ANKRD31: variants seen among roughly 807,000 people sequenced by gnomAD.
ANKRD31 encodes the protein ankyrin repeat domain-containing protein 31.
A neutral mutation model predicts 186.0 loss-of-function variants in ANKRD31; 147 were observed. The observed-to-expected ratio is 0.79, with a 90% CI of 0.69 to 0.91. ANKRD31 has a LOEUF of 0.91. ANKRD31 is among the 40% of genes least tolerant of loss of function. The pLI is 0.00. For synonymous variants in ANKRD31, 673 were observed against 736.4 expected, an observed-to-expected ratio of 0.91 and a Z score of 1.39; for missense variants, 1,986 against 2,148.8, an observed-to-expected ratio of 0.92 and a Z score of 1.50.
intron 4 of ANKRD31, among the ~76,000 whole-genome samples, chr5:75,209,625 C>T (rs1296301246): frequency 6.6e-6 from 1 of 151,836 alleles, no homozygotes; most frequent in South Asian, 2.1e-4. Flanking sequence ...TGCAGTGACC[C>T]GAGATCACAC....
chr5:75,188,556 C>G lies in ANKRD31; in HGVS notation c.1501G>C (p.Asp501His). Residue 501 changes from aspartate (D) to histidine (H), a missense_variant, in exon 10 of 26, where the codon GAT (aspartate) becomes CAT (histidine). Physicochemically the swap from Asp to His is moderately conservative, Grantham distance 81. Transcript: ENST00000506364. The stretch of plus-strand genomic sequence containing the variant: ...ATACAATGATGAACAAGATCAGCAT[C>G]ATCGTGTAGAGCAGCCTTATATACT... ...NLVYKAALHD[D>H]ADLVHHCIKK... 1 of 1,536,480 alleles carries G rather than the reference C, an allele frequency of 6.5e-7. No homozygotes were observed. The highest frequency in any genetic ancestry group is 8.7e-7 in the Non-Finnish European group (1 of 1,146,506).
At chr5:75,208,610 C>T (rs1387762086) in intron 4 of ANKRD31, among the ~76,000 whole-genome samples, 1 of 152,136 alleles carries the variant, frequency 6.6e-6, no homozygotes, top group Non-Finnish European at 1.5e-5. Flanking sequence ...GTCTCTAAGG[C>T]CAGGTGACAG....
rs10532266 is a variant in ANKRD31 at position 75,175,646 on chromosome 5, AACACACACAC to A, written c.1565-6535_1565-6526del. 2.5e-3 allele frequency among the ~76,000 whole-genome samples: 375 copies of A among 147,678 alleles called. 8 individuals carry two copies. The East Asian group carries it at 0.063, about 25-fold the overall frequency. On this transcript the variant is annotated intron_variant, in intron 10 of 25. Transcript: ENST00000506364. ...ACTATATGAAAATGTTACCTCAGAAAACACACACACACACACACACACACACACACACATT... is the reference window on the plus strand; with the variant it reads ...ACTATATGAAAATGTTACCTCAGAAAACACACACACACACACACACACATT...
chr5:75,133,442 C>A (rs1318783702), intron 17 of ANKRD31, among the ~76,000 whole-genome samples: 1 of 152,134 alleles, frequency 6.6e-6, no homozygotes, highest in Non-Finnish European at 1.5e-5. Context: ...GTAAAGGGAT[C>A]AATTCAACAA....
intron 3 of ANKRD31, among the ~76,000 whole-genome samples, chr5:75,216,712 A>G (rs535076943): frequency 1.3e-5 from 2 of 152,198 alleles, no homozygotes; most frequent in Admixed American, 1.3e-4. Context: ...TTCTGCTACT[A>G]AAATGTATGT....
Position 75,147,166 on chromosome 5 carries a change from TTC to T in ANKRD31, c.2243_2244del (p.Arg748LysfsTer26). ...CTGGAAGGAGAGACAGCTAGTATCTTTCTTGGATTACAGTCTACATCATCTAC... is the reference window on the plus strand; with the variant it reads ...CTGGAAGGAGAGACAGCTAGTATCTTTTGGATTACAGTCTACATCATCTAC... ...TQVDDVDCNP[R>X]KILAVSPSRR... On this transcript the variant is annotated frameshift_variant, in exon 14 of 26. Transcript: ENST00000506364. LOFTEE classifies it high-confidence loss of function. The T allele has an allele frequency of 6.5e-7, 1 of 1,536,344 alleles. No homozygotes were observed. The highest frequency in any genetic ancestry group is 2.4e-5 in the East Asian group (1 of 40,888).
chr5:75,181,691 A>T (rs1754308187), intron 10 of ANKRD31, among the ~76,000 whole-genome samples: 1 of 141,358 alleles, frequency 7.1e-6, no homozygotes, highest in South Asian at 2.3e-4. Flanking sequence ...CAATGAGAAC[A>T]CATGGACACA....
intron 10 of ANKRD31, among the ~76,000 whole-genome samples, chr5:75,182,631 A>T (rs1232467207): frequency 6.6e-6 from 1 of 151,898 alleles, no homozygotes; most frequent in African/African-American, 2.4e-5. Context: ...AGGCAGGAGA[A>T]TCTCTTGAAC....
In ANKRD31 at chr5:75,146,139, T is replaced by C; in HGVS notation, c.3272A>G (p.Glu1091Gly). 2.0e-6 allele frequency: 3 copies of C among 1,536,152 alleles called. No homozygotes were observed. The highest frequency in any genetic ancestry group is 1.7e-6 in the Non-Finnish European group (2 of 1,146,308). The change falls in exon 14 of 26, where the codon GAA (glutamate) becomes GGA (glycine). Residue 1091 changes from glutamate (E) to glycine (G), a missense_variant. Glu to Gly is a moderately conservative substitution (Grantham distance 98). Coordinates refer to ENST00000506364, the MANE Select transcript of ANKRD31 (RefSeq NM_001372053.1). ...LSIVAHSQVI[E>G]TTKVEKRRQN... ...TCTCCTTTTTTCAACTTTAGTTGTT[T>C]CTATTACTTGAGAATGAGCAACTAT... is the stretch of plus-strand genomic sequence containing the variant.
In ANKRD31 at chr5:75,087,166, A is replaced by C. The variant is rs533211426; in HGVS notation, c.5473-2792T>G. 3.9e-5 allele frequency among the ~76,000 whole-genome samples: 6 copies of C among 152,186 alleles called. No homozygotes were observed. The South Asian group carries it at 1.2e-3, about 32-fold the overall frequency. ...CCATTTTATTTGAAAGTATCATCCC[A>C]TTTTTCATATATCTTCAGAAAAACC... is the stretch of plus-strand genomic sequence containing the variant. On this transcript the variant is annotated intron_variant, in intron 23 of 25. Coordinates refer to ENST00000506364, the MANE Select transcript of ANKRD31 (RefSeq NM_001372053.1).
chr5:75,181,687 G>T (rs1034321496), intron 10 of ANKRD31, among the ~76,000 whole-genome samples: 2 of 135,214 alleles, frequency 1.5e-5, no homozygotes, highest in Admixed American at 8.8e-5. Flanking sequence ...TGAACAATGA[G>T]AACACATGGA....
chr5:75,236,177 CT>C (rs1000167748), intron 1 of ANKRD31, among the ~76,000 whole-genome samples: 1 of 152,194 alleles, frequency 6.6e-6, no homozygotes, highest in Non-Finnish European at 1.5e-5. Context: ...ATCACACATT[CT>C]TTTCTTGAGA....
intron 1 of ANKRD31, among the ~76,000 whole-genome samples, chr5:75,235,861 CAAAG>C (rs1389982166): frequency 6.6e-6 from 1 of 152,120 alleles, no homozygotes; most frequent in Non-Finnish European, 1.5e-5. Flanking sequence ...GGCTAACACT[CAAAG>C]AAACCTGTCT....
At chr5:75,095,631 T>TC (rs545998941) in intron 22 of ANKRD31, among the ~76,000 whole-genome samples, 52 of 152,322 alleles carry the variant, frequency 3.4e-4, no homozygotes, top group Admixed American at 5.9e-4. Context: ...TACCTGCCCA[T>TC]CAGTCACTTG....
rs569978581 is a variant in ANKRD31, at chr5:75,190,689, T to C, written c.1408+1978A>G. On this transcript the variant is annotated intron_variant, in intron 9 of 25. Transcript: ENST00000506364. ...TCTATTCATGTTCTTTTTACTTTTT[T>C]CCCCCAGTTTAAAAATTTTTAATTA... 4.0e-5 allele frequency among the ~76,000 whole-genome samples: 6 copies of C among 151,828 alleles called. No individual in the cohort carries two copies. The East Asian group carries it at 9.7e-4, about 24-fold the overall frequency.
intron 3 of ANKRD31, among the ~76,000 whole-genome samples, chr5:75,213,237 C>A (rs1202195165): frequency 1.3e-5 from 2 of 152,194 alleles, no homozygotes; most frequent in African/African-American, 4.8e-5. Context: ...CAAGATATTT[C>A]TGTGTCTCTG....
At chr5:75,086,393 T>C (rs1402376738) in intron 23 of ANKRD31, among the ~76,000 whole-genome samples, 1 of 152,208 alleles carries the variant, frequency 6.6e-6, no homozygotes, top group Non-Finnish European at 1.5e-5. Context: ...ATTAATGTCA[T>C]GAAAAACCTC....
intron 13 of ANKRD31, 71 bp from the exon 14 acceptor site, chr5:75,147,576 T>C (rs1751568990): frequency 9.7e-7 from 1 of 1,031,866 alleles, no homozygotes. Context: ...TCTGGATTAT[T>C]GATAAATCAA....
intron 15 of ANKRD31, among the ~76,000 whole-genome samples, chr5:75,140,286 A>AAAGG (rs55831869): frequency 0.12 from 16,627 of 140,688 alleles, 1,385 homozygotes; most frequent in East Asian, 0.17. Context: ...AGAGAGAAAG[A>AAAGG]AAGGAAGGAA....
Sources: allele counts gnomAD v4.1 joint callset (sites outside exome capture counted in the v4.1 genomes callset), GRCh38; gene constraint gnomAD v4.1.1; transcripts MANE v1.5; gene names NCBI Gene and HGNC (gene_info 2026-07-23, HGNC 2026-07-21).